Variants in RORA observed in about 807,000 individuals in gnomAD.
RORA encodes nuclear receptor ROR-alpha.
In RORA, 7 loss-of-function variants were observed where a neutral mutation model predicts 69.5. That is an observed-to-expected ratio of 0.10 (90% CI 0.06 to 0.19). The LOEUF is 0.19. Ranked by LOEUF, RORA falls within the 10% of genes least tolerant of loss-of-function variation. The pLI, the probability that RORA is intolerant of heterozygous loss-of-function variation, is 1.00. For synonymous variants in RORA, 261 were observed against 240.8 expected, an observed-to-expected ratio of 1.08 and a Z score of -0.78; for missense variants, 457 against 663.0, an observed-to-expected ratio of 0.69 and a Z score of 3.41.
intron 2 of RORA, among the ~76,000 whole-genome samples, chr15:60,542,208 C>T (rs2066893745): frequency 6.6e-6 from 1 of 152,192 alleles, no homozygotes; most frequent in South Asian, 2.1e-4. Context: ...TGGAAACACA[C>T]TCTGATTGCT....
chr15:61,106,002 C>G (rs2078945171), intron 1 of RORA, among the ~76,000 whole-genome samples: 1 of 152,196 alleles, frequency 6.6e-6, no homozygotes, highest in Non-Finnish European at 1.5e-5. Flanking sequence ...CAAGGAGATT[C>G]TCAAAAGTGG....
intron 3 of RORA, among the ~76,000 whole-genome samples, chr15:60,524,421 T>C (rs374713117): frequency 6.6e-6 from 1 of 152,182 alleles, no homozygotes; most frequent in Non-Finnish European, 1.5e-5. Flanking sequence ...CTTCTCAAAG[T>C]CATAGAATGA....
chr15:61,211,848 C>T (rs2079994990), intron 1 of RORA: 1 of 152,190 alleles, frequency 6.6e-6, no homozygotes, highest in South Asian at 2.1e-4. Context: ...AACCTCCTTC[C>T]AGGACTTCCA....
chr15:61,025,005 T>C (rs1294658367), intron 1 of RORA, among the ~76,000 whole-genome samples: 1 of 152,222 alleles, frequency 6.6e-6, no homozygotes, highest in Non-Finnish European at 1.5e-5. Context: ...TATTTCATGG[T>C]TGGGAGCAAG....
At chr15:60,725,319 A>G (rs966325511) in intron 1 of RORA, among the ~76,000 whole-genome samples, 1 of 152,120 alleles carries the variant, frequency 6.6e-6, no homozygotes, top group African/African-American at 2.4e-5. Context: ...TTGCTTATTA[A>G]TCATGTGTAA....
At chr15:61,097,199 A>G (rs1317651681) in intron 1 of RORA, among the ~76,000 whole-genome samples, 1 of 152,214 alleles carries the variant, frequency 6.6e-6, no homozygotes, top group Non-Finnish European at 1.5e-5. Flanking sequence ...AAGTCGGGAA[A>G]GACTGACTCG....
At chr15:61,038,372 T>C (rs568626859) in intron 1 of RORA, among the ~76,000 whole-genome samples, 5 of 152,286 alleles carry the variant, frequency 3.3e-5, no homozygotes, top group African/African-American at 4.8e-5. Flanking sequence ...TTGATCACAA[T>C]AAAACATTGC....
chr15:60,764,939 ACCAGAAG>A (rs1308347024), intron 1 of RORA: 1 of 150,736 alleles, frequency 6.6e-6, no homozygotes, highest in African/African-American at 2.4e-5. Flanking sequence ...TGTGCCTGGA[ACCAGAAG>A]CCTGTCCTCT....
intron 1 of RORA, among the ~76,000 whole-genome samples, chr15:61,148,944 C>T (rs1339476323): frequency 6.6e-6 from 1 of 152,184 alleles, no homozygotes; most frequent in Non-Finnish European, 1.5e-5. Context: ...GCTGCATCTA[C>T]GGATAGACCC....
chr15:61,168,558 C>T (rs1178724218), intron 1 of RORA, among the ~76,000 whole-genome samples: 1 of 151,788 alleles, frequency 6.6e-6, no homozygotes, highest in Admixed American at 6.6e-5. Flanking sequence ...TGTGCCTGGC[C>T]CTTGTATTAT....
At chr15:60,606,597 C>T (rs78823110) in intron 2 of RORA, among the ~76,000 whole-genome samples, 2,108 of 152,048 alleles carry the variant, frequency 0.014, 20 homozygotes, top group Admixed American at 0.021. Context: ...TATATTTTCT[C>T]GGAGCAGACT....
Position 60,995,575 on chromosome 15 carries a change from G to C in RORA, c.166+233478C>G, listed in dbSNP as rs1595867323. ...ACTTAGTAAAAAGCCTATAGCACAA[G>C]GTCTCTTGTCCCCAGACGTTTGAGC... On this transcript the variant is annotated intron_variant, in intron 1 of 10. Coordinates refer to ENST00000335670, the MANE Select transcript of RORA (RefSeq NM_134261.3). Among the ~76,000 whole-genome samples, 7 of 149,436 alleles carry C rather than the reference G, an allele frequency of 4.7e-5. No homozygotes were observed. The South Asian group carries it at 1.5e-3, about 31-fold the overall frequency.
chr15:60,983,930 C>G (rs191717160), intron 1 of RORA, among the ~76,000 whole-genome samples: 1 of 152,252 alleles, frequency 6.6e-6, no homozygotes, highest in Admixed American at 6.5e-5. Flanking sequence ...AAATATTTTA[C>G]AGAATTTGGC....
intron 1 of RORA, among the ~76,000 whole-genome samples, chr15:61,137,066 A>AGAAAGAAG (rs1567006626): frequency 1.8e-4 from 27 of 149,442 alleles, no homozygotes; most frequent in African/African-American, 5.9e-4. Flanking sequence ...AAAGAAAGAA[A>AGAAAGAAG]GAAAGAAAGA....
At chr15:61,052,354 G>C (rs2078026622) in intron 1 of RORA, among the ~76,000 whole-genome samples, 1 of 152,230 alleles carries the variant, frequency 6.6e-6, no homozygotes, top group Admixed American at 6.5e-5. Context: ...TAGAATTCTA[G>C]AAGTCAGGAT....
chr15:60,962,575 C>A (rs933885951), intron 1 of RORA, among the ~76,000 whole-genome samples: 1 of 152,192 alleles, frequency 6.6e-6, no homozygotes, highest in South Asian at 2.1e-4. Context: ...GACTGCTCCC[C>A]GCTCTCCTCC....
chr15:60,858,472 G>T (rs1158426407), intron 1 of RORA, among the ~76,000 whole-genome samples: 5 of 152,130 alleles, frequency 3.3e-5, no homozygotes. Flanking sequence ...GACTCACCCA[G>T]TATGGTTCAG....
intron 1 of RORA, among the ~76,000 whole-genome samples, chr15:61,089,495 A>C (rs2140700645): frequency 6.6e-6 from 1 of 152,352 alleles, no homozygotes; most frequent in East Asian, 1.9e-4. Flanking sequence ...TGCATGGCTG[A>C]GACCTGCATC....
chr15:60,561,072 T>G (rs1265993099), intron 2 of RORA, among the ~76,000 whole-genome samples: 2 of 125,160 alleles, frequency 1.6e-5, no homozygotes, highest in African/African-American at 9.2e-5. Context: ...TTTTTTTTTG[T>G]TTTGTTTTTG....
Sources: allele counts gnomAD v4.1 joint callset (sites outside exome capture counted in the v4.1 genomes callset), GRCh38; gene constraint gnomAD v4.1.1; transcripts MANE v1.5; gene names NCBI Gene and HGNC (gene_info 2026-07-23, HGNC 2026-07-21).